The following LOXHD1 variants were observed in gnomAD, a reference collection of about 807,000 sequenced individuals.
LOXHD1 encodes lipoxygenase homology domain-containing protein 1.
Under a neutral mutation model 248.2 loss-of-function variants are expected in LOXHD1, and 205 were observed. The ratio of observed to expected loss-of-function variants is 0.83; its 90% CI spans 0.74 to 0.93. LOXHD1 has a LOEUF of 0.93. LOXHD1 is among the 40% of genes least tolerant of loss of function. LOXHD1 has a pLI of 0.00. For missense variants in LOXHD1, 2,930 were observed against 2,971.6 expected, an observed-to-expected ratio of 0.99 and a Z score of 0.33; for synonymous variants, 1,113 against 1,162.8, an observed-to-expected ratio of 0.96 and a Z score of 0.87.
At chr18:46,544,913 T>C (rs1295856601) in intron 23 of LOXHD1, 8 of 474,284 alleles carry the variant, frequency 1.7e-5, no homozygotes, top group South Asian at 1.2e-4. Flanking sequence ...CTCAACAGAA[T>C]GGCTGGACAG....
At chr18:46,559,240 C>G (rs2037456176) in intron 20 of LOXHD1, 1 of 1,510,060 alleles carries the variant, frequency 6.6e-7, no homozygotes, top group South Asian at 1.2e-5. Flanking sequence ...CCCATGGGCT[C>G]TAGGTGCTGG....
intron 27 of LOXHD1, 25 bp from the exon 28 acceptor site, chr18:46,533,349 A>G (rs2036161483): frequency 6.4e-7 from 1 of 1,550,620 alleles, no homozygotes; most frequent in Non-Finnish European, 8.7e-7. Context: ...AAAAAGGAAA[A>G]TTAGCCCTTA....
At chr18:46,489,269 T>C in intron 37 of LOXHD1, 127 bp from the exon 38 acceptor site, 1 of 975,162 alleles carries the variant, frequency 1.0e-6, no homozygotes, top group East Asian at 2.6e-5. Context: ...TGGGCCTTGA[T>C]CTCCTTGTTG....
intron 7 of LOXHD1, among the ~76,000 whole-genome samples, chr18:46,602,801 G>A (rs1040139456): frequency 4.6e-5 from 7 of 151,390 alleles, no homozygotes; most frequent in Admixed American, 1.3e-4. Context: ...AATAGGTCTC[G>A]AGCTTTATTT....
intron 5 of LOXHD1, among the ~76,000 whole-genome samples, chr18:46,617,756 C>T (rs1346948608): frequency 6.6e-6 from 1 of 152,158 alleles, no homozygotes; most frequent in Non-Finnish European, 1.5e-5. Context: ...CCCTGTGAGG[C>T]CAAGTCAAAT....
At position 46,604,181 on chromosome 18, in the gene LOXHD1, T is replaced by A; in HGVS notation, c.808A>T (p.Asn270Tyr). Residue 270 changes from asparagine to tyrosine, a missense_variant, in exon 7 of 41, where the codon AAC becomes TAC. Physicochemically the swap from Asn to Tyr is moderately radical, Grantham distance 143. Coordinates refer to ENST00000642948, the MANE Select transcript of LOXHD1 (RefSeq NM_001384474.1). ...GNKRKYDFPL[N>Y]RWLALDEDDG... is the part of the protein sequence containing the mutation. Reference sequence around the variant, plus strand: ...TCTTCGTCCAAGGCCAGCCAGCGGTTAAGGGGGAAGTCATATTTTCTTTTG... The same window carrying A: ...TCTTCGTCCAAGGCCAGCCAGCGGTAAAGGGGGAAGTCATATTTTCTTTTG... The A allele has an allele frequency of 1.3e-6, 2 of 1,551,728 alleles. No individual in the cohort carries two copies. The highest frequency in any genetic ancestry group is 1.7e-6 in the Non-Finnish European group (2 of 1,146,980).
At chr18:46,520,178 C>A (rs553832084) in intron 33 of LOXHD1, 16 of 460,112 alleles carry the variant, frequency 3.5e-5, no homozygotes, top group South Asian at 2.3e-4. Context: ...CTCTAGCAGG[C>A]GAGAGGCAGG....
chr18:46,590,416 T>G (rs1293457216), intron 12 of LOXHD1, among the ~76,000 whole-genome samples: 3 of 152,158 alleles, frequency 2.0e-5, no homozygotes. Flanking sequence ...ACCGAGAATC[T>G]AAAATCGTGA....
At chr18:46,649,407 C>T in intron 1 of LOXHD1, 138 bp from the exon 2 acceptor site, 1 of 680,690 alleles carries the variant, frequency 1.5e-6, no homozygotes, top group Non-Finnish European at 2.5e-6. Context: ...CTGTAGGCCT[C>T]TGAGCCATGG....
At chr18:46,512,024 G>T (rs2034992484) in intron 34 of LOXHD1, among the ~76,000 whole-genome samples, 1 of 152,134 alleles carries the variant, frequency 6.6e-6, no homozygotes, top group South Asian at 2.1e-4. Flanking sequence ...CTGAGTTTGG[G>T]TCAAGCTAAC....
chr18:46,577,948 A>T (rs1041690261), intron 13 of LOXHD1, 81 bp from the exon 14 acceptor site: 8 of 1,466,316 alleles, frequency 5.5e-6, no homozygotes, highest in Non-Finnish European at 7.4e-6. Flanking sequence ...AAGCTCAGAT[A>T]TCAGAAAATC....
rs139757202 is a variant in LOXHD1 at position 46,495,302 on chromosome 18, T to C, written c.5879-6160A>G. On this transcript the variant is annotated intron_variant, in intron 37 of 40. Transcript: ENST00000642948. ...AGTATTATAAAAGCTATCTGGGTAATTGGAATTATGGAGAATTAATCATTT... is the reference window on the plus strand; with the variant it reads ...AGTATTATAAAAGCTATCTGGGTAACTGGAATTATGGAGAATTAATCATTT... 1.2e-4 allele frequency among the ~76,000 whole-genome samples: 18 copies of C among 152,372 alleles called. No homozygotes were observed. In the East Asian group the frequency reaches 2.7e-3, roughly 23 times the overall value.
At chr18:46,531,194 CA>C (rs948401855) in intron 28 of LOXHD1, among the ~76,000 whole-genome samples, 40 of 152,248 alleles carry the variant, frequency 2.6e-4, no homozygotes, top group Admixed American at 2.5e-3. Context: ...GAGACACCGC[CA>C]GGGGCAGAAA....
chr18:46,590,488 C>G (rs1040924934), intron 12 of LOXHD1, among the ~76,000 whole-genome samples: 9 of 152,136 alleles, frequency 5.9e-5, no homozygotes, highest in African/African-American at 2.2e-4. Context: ...GTTCTTTATA[C>G]CTGCAGGCTC....
chr18:46,620,077 T>G (rs1276737807), intron 4 of LOXHD1, among the ~76,000 whole-genome samples: 1 of 152,188 alleles, frequency 6.6e-6, no homozygotes, highest in Non-Finnish European at 1.5e-5. Context: ...AACGGGCAGA[T>G]TCCAGGTTTC....
chr18:46,480,026 C>T (rs1359113190), intron 40 of LOXHD1, among the ~76,000 whole-genome samples: 1 of 152,092 alleles, frequency 6.6e-6, no homozygotes, highest in Non-Finnish European at 1.5e-5. Flanking sequence ...CCTTCTTCCC[C>T]CAATTTATCA....
chr18:46,545,267 C>A, intron 23 of LOXHD1, 50 bp downstream of exon 23: 2 of 1,365,152 alleles, frequency 1.5e-6, no homozygotes, highest in South Asian at 1.3e-5. Flanking sequence ...GTCTTCTGGT[C>A]TCCCTGGGGA....
intron 12 of LOXHD1, among the ~76,000 whole-genome samples, chr18:46,584,801 T>C (rs1175486665): frequency 6.6e-6 from 1 of 152,058 alleles, no homozygotes; most frequent in African/African-American, 2.4e-5. Context: ...TGAATATGGA[T>C]GCAAAAATCT....
intron 2 of LOXHD1, among the ~76,000 whole-genome samples, chr18:46,644,590 C>A (rs1189123172): frequency 6.6e-6 from 1 of 152,106 alleles, no homozygotes; most frequent in African/African-American, 2.4e-5. Flanking sequence ...TGGTGGTGTG[C>A]ACCTGTAGTC....
Sources: gnomAD v4.1 joint callset for allele counts (sites outside exome capture counted in the v4.1 genomes callset) on GRCh38, gnomAD v4.1.1 for gene constraint, MANE v1.5 for transcripts, NCBI Gene and HGNC (gene_info 2026-07-23, HGNC 2026-07-21) for gene names.